The following HERC4 variants were observed in gnomAD, a reference collection of about 807,000 sequenced individuals.
The protein encoded by HERC4 is probable E3 ubiquitin-protein ligase HERC4.
A neutral mutation model predicts 124.3 loss-of-function variants in HERC4; 28 were observed. That is an observed-to-expected ratio of 0.23 (90% CI 0.17 to 0.31). The LOEUF is 0.31. Ranked by LOEUF, HERC4 falls within the 10% of genes least tolerant of loss-of-function variation. The pLI, the probability that HERC4 is intolerant of heterozygous loss-of-function variation, is 1.00. For synonymous variants in HERC4, 407 were observed against 421.5 expected (o/e 0.97, Z 0.42); for missense variants, 713 against 1,229.3 (o/e 0.58, Z 6.28).
At position 67,991,220 on chromosome 10, in the gene HERC4, T is replaced by C. The variant is rs758139261; in HGVS notation, c.1272-21A>G. 5.8e-6 allele frequency: 8 copies of C among 1,390,200 alleles called. No homozygotes were observed. In the African/African-American group the frequency reaches 1.0e-4, roughly 18 times the overall value. 86.1% of individuals were successfully genotyped at this position (1,390,200 alleles called of 1,614,324 possible). ...TCTCACTAAAAAATTTAAAAAAGTT[T>C]TTTTAATCATAGAATCAGAAATTTA... On this transcript the variant is annotated intron_variant, in intron 11 of 24. Transcript: ENST00000373700.
intron 3 of HERC4, among the ~76,000 whole-genome samples, chr10:68,067,391 C>CA (rs1375889158): frequency 1.3e-5 from 2 of 152,182 alleles, no homozygotes; most frequent in African/African-American, 2.4e-5. Flanking sequence ...TCAAATCTAT[C>CA]ATCCACATCT....
At chr10:68,005,387 A>G (rs1001813333) in intron 9 of HERC4, among the ~76,000 whole-genome samples, 10 of 152,166 alleles carry the variant, frequency 6.6e-5, no homozygotes, top group African/African-American at 2.4e-5. Context: ...TTTGCATGGA[A>G]TATCTTTTTC....
intron 3 of HERC4, among the ~76,000 whole-genome samples, chr10:68,045,441 T>A (rs2039972815): frequency 6.6e-6 from 1 of 152,254 alleles, no homozygotes; most frequent in African/African-American, 2.4e-5. Context: ...AGTAGAGAAC[T>A]GAAAGGCAGT....
In HERC4 at chr10:67,929,819, A is replaced by AT. The variant is rs561065364; in HGVS notation, c.2838+2777dup. Among the ~76,000 whole-genome samples, 49 of 143,316 alleles carry AT rather than the reference A, an allele frequency of 3.4e-4. 1 individual carries two copies. The highest frequency in any genetic ancestry group is 5.6e-4 in the Non-Finnish European group (37 of 66,250). 94.0% of individuals were successfully genotyped at this position (143,316 alleles called of 152,430 possible). The stretch of plus-strand genomic sequence containing the variant: ...TGTGAGACACCACACCCAGCTGTGC[A>AT]TTTTTTTTTTGAGATGGAGTTTCAC... On this transcript the variant is annotated intron_variant, in intron 23 of 24. Coordinates refer to ENST00000373700, the MANE Select transcript of HERC4 (RefSeq NM_015601.4).
chr10:67,954,454 A>G, intron 19 of HERC4, 141 bp downstream of exon 19: 1 of 592,948 alleles, frequency 1.7e-6, no homozygotes, highest in South Asian at 5.6e-5. Flanking sequence ...CAAAGTTTAT[A>G]ATTTCTCAAA....
chr10:67,969,466 A>AG (rs1055457968), intron 15 of HERC4, among the ~76,000 whole-genome samples: 9 of 152,036 alleles, frequency 5.9e-5, no homozygotes, highest in Non-Finnish European at 7.4e-5. Flanking sequence ...AACAAGGCAG[A>AG]GGGGGGGAAA....
At chr10:67,923,511 TTC>T (rs2030477754) in intron 24 of HERC4, among the ~76,000 whole-genome samples, 1 of 152,158 alleles carries the variant, frequency 6.6e-6, no homozygotes, top group African/African-American at 2.4e-5. Context: ...TTTGCTTCGT[TTC>T]TGTTATTTTT....
At chr10:67,986,394 C>G (rs1200748545) in intron 15 of HERC4, among the ~76,000 whole-genome samples, 1 of 152,132 alleles carries the variant, frequency 6.6e-6, no homozygotes, top group Non-Finnish European at 1.5e-5. Context: ...ACTCTTTTGC[C>G]CAGGCTGGAG....
intron 20 of HERC4, among the ~76,000 whole-genome samples, chr10:67,940,432 T>G (rs1261489000): frequency 2.0e-5 from 3 of 151,986 alleles, no homozygotes; most frequent in Non-Finnish European, 4.4e-5. Context: ...TCTTTCTTTT[T>G]TTTTTGAGAT....
At chr10:68,026,324 G>A (rs780045027) in intron 7 of HERC4, among the ~76,000 whole-genome samples, 1 of 152,036 alleles carries the variant, frequency 6.6e-6, no homozygotes, top group Non-Finnish European at 1.5e-5. Flanking sequence ...TCGAACTCCT[G>A]GGCTCAAGCA....
chr10:67,924,097 A>C, intron 24 of HERC4, among the ~76,000 whole-genome samples: 1 of 152,188 alleles, frequency 6.6e-6, no homozygotes, highest in East Asian at 1.9e-4. Context: ...AGAGCAATAC[A>C]GTTGGCCCTC....
At chr10:67,961,934 G>C (rs1304994149) in intron 16 of HERC4, among the ~76,000 whole-genome samples, 1 of 152,088 alleles carries the variant, frequency 6.6e-6, no homozygotes, top group African/African-American at 2.4e-5. Flanking sequence ...CAAGATGAAA[G>C]TCTTTAGAGA....
chr10:68,006,157 T>C (rs561611602), intron 9 of HERC4, among the ~76,000 whole-genome samples: 55 of 152,300 alleles, frequency 3.6e-4, no homozygotes, highest in South Asian at 6.2e-4. Flanking sequence ...GCTGTAGTTA[T>C]TATTATCTTT....
chr10:68,020,959 G>A (rs995886181), intron 8 of HERC4, among the ~76,000 whole-genome samples: 1 of 152,014 alleles, frequency 6.6e-6, no homozygotes, highest in African/African-American at 2.4e-5. Context: ...GGGAACCATA[G>A]GATACCATTA....
chr10:68,075,278 G>A lies in HERC4; in HGVS notation c.-243C>T, dbSNP rs73265217. On this transcript the variant is annotated 5_prime_UTR_variant, in exon 1 of 25. Transcript: ENST00000373700. Reference sequence around the variant, plus strand: ...ACCAGGGGTGGGGAGAGTTGGGGAAGAGACTGGGTAGGAGAAGGCAGAGGG... The same window carrying A: ...ACCAGGGGTGGGGAGAGTTGGGGAAAAGACTGGGTAGGAGAAGGCAGAGGG... 0.075 allele frequency: 11,395 copies of A among 152,502 alleles called. 1,106 individuals carry two copies. Among genetic ancestry groups the A allele is most frequent in the African/African-American group, 0.23 (9,304 of 41,272 alleles). The allele number at this position is 152,502 out of a possible 1,614,324, so 9.4% of individuals were successfully genotyped here. A position where few individuals can be genotyped will look rare whatever the true frequency, so the allele number is the denominator to read the frequency against.
chr10:67,981,233 G>A (rs1361507359), intron 15 of HERC4, among the ~76,000 whole-genome samples: 1 of 152,164 alleles, frequency 6.6e-6, no homozygotes, highest in Non-Finnish European at 1.5e-5. Context: ...CAAAAGGGCA[G>A]GAGTAGCTAC....
At chr10:67,980,604 G>C (rs543669785) in intron 15 of HERC4, among the ~76,000 whole-genome samples, 1 of 152,166 alleles carries the variant, frequency 6.6e-6, no homozygotes, top group Admixed American at 6.5e-5. Flanking sequence ...GAAAAATACA[G>C]AATATTACAA....
chr10:68,057,743 G>GT (rs1410891678), intron 3 of HERC4, among the ~76,000 whole-genome samples: 1 of 149,302 alleles, frequency 6.7e-6, no homozygotes, highest in African/African-American at 2.5e-5. Context: ...GTCTTGTTCT[G>GT]TTGCCCAGGA....
intron 3 of HERC4, among the ~76,000 whole-genome samples, chr10:68,054,604 A>G (rs1466719188): frequency 6.6e-6 from 1 of 152,154 alleles, no homozygotes; most frequent in African/African-American, 2.4e-5. Flanking sequence ...TCAGCCTCAC[A>G]AAGTGTTGGG....
Sources: gnomAD v4.1 joint callset for allele counts (sites outside exome capture counted in the v4.1 genomes callset) on GRCh38, gnomAD v4.1.1 for gene constraint, MANE v1.5 for transcripts, NCBI Gene and HGNC (gene_info 2026-07-23, HGNC 2026-07-21) for gene names.